The following PALB2 variants were observed in gnomAD, a reference collection of about 807,000 sequenced individuals.
PALB2 encodes mutant partner and localizer of BRCA2.
PALB2 carries 82 observed loss-of-function variants against 107.4 expected under a neutral mutation model. That is an observed-to-expected ratio of 0.76 (90% CI 0.64 to 0.92). The LOEUF (loss-of-function observed/expected upper bound fraction) is 0.92. Ranked by LOEUF, PALB2 falls within the 40% of genes least tolerant of loss-of-function variation. PALB2 has a pLI of 0.00. For missense variants in PALB2, 1,374 were observed against 1,379.9 expected, an observed-to-expected ratio of 1.00 and a Z score of 0.07; for synonymous variants, 489 against 496.8, an observed-to-expected ratio of 0.98 and a Z score of 0.21.
chr16:23,624,136 C>A (rs1966828956), intron 7 of PALB2, 42 bp from the exon 8 acceptor site: 5 of 1,435,446 alleles, frequency 3.5e-6, no homozygotes, highest in Non-Finnish European at 4.9e-6. Flanking sequence ...TTGGTTGTTT[C>A]ATTTTTGTTT....
chr16:23,616,240 CCA>C (rs1318913069), intron 10 of PALB2, among the ~76,000 whole-genome samples: 1 of 152,086 alleles, frequency 6.6e-6, no homozygotes, highest in Non-Finnish European at 1.5e-5. Context: ...CTACAGCAGT[CCA>C]CAGTCATCTC....
intron 11 of PALB2, among the ~76,000 whole-genome samples, chr16:23,612,901 C>T (rs866922716): frequency 3.9e-5 from 6 of 151,990 alleles, no homozygotes; most frequent in East Asian, 1.9e-4. Context: ...TACAGGCATG[C>T]GCCACCACGC....
intron 10 of PALB2, among the ~76,000 whole-genome samples, chr16:23,617,384 A>C (rs569203796): frequency 6.6e-6 from 1 of 152,034 alleles, no homozygotes; most frequent in South Asian, 2.1e-4. Context: ...GTCTTCAAAA[A>C]CGAGAGAGGA....
At chr16:23,606,725 G>A (rs185667418) in intron 12 of PALB2, among the ~76,000 whole-genome samples, 1,577 of 151,554 alleles carry the variant, frequency 0.01, 18 homozygotes, top group Non-Finnish European at 0.014. Flanking sequence ...GGGTTTCACC[G>A]TGTTGGTCAG....
At chr16:23,641,079 C>A (rs1321652679) in intron 1 of PALB2, 31 bp downstream of exon 1, 1 of 1,610,746 alleles carries the variant, frequency 6.2e-7, no homozygotes, top group South Asian at 1.1e-5. Context: ...GGGTCAGAGT[C>A]CTGCGTCCGC....
At position 23,603,654 on chromosome 16, in the gene PALB2, G is replaced by A. The variant is rs373783514; in HGVS notation, c.3366C>T (p.Asp1122=). The change falls in exon 13 of 13, where the codon GAC becomes GAT. Residue 1122 remains aspartate, a synonymous_variant. Transcript: ENST00000261584. ...TTGCTGCTGCACAGTGATCTTTCAC[G>A]TCACCTTCCAGGAACCTGATAGCAT... is the stretch of plus-strand genomic sequence containing the variant. ...PGQAGRFLEG[D]VKDHCAAAIL... is the part of the protein sequence containing the mutation. 9.3e-6 allele frequency: 15 copies of A among 1,613,088 alleles called. No homozygotes were observed. The highest frequency in any genetic ancestry group is 6.6e-5 in the South Asian group (6 of 91,056).
intron 3 of PALB2, among the ~76,000 whole-genome samples, chr16:23,637,368 T>C (rs964719266): frequency 1.3e-5 from 2 of 151,768 alleles, no homozygotes; most frequent in African/African-American, 2.4e-5. Context: ...TAACTGAAAA[T>C]AGAGACTATA....
intron 7 of PALB2, among the ~76,000 whole-genome samples, chr16:23,625,441 G>A (rs1296141563): frequency 3.9e-5 from 6 of 152,216 alleles, no homozygotes; most frequent in South Asian, 4.1e-4. Flanking sequence ...TGAGGCAGGC[G>A]GATGGCTTAA....
At chr16:23,616,672 C>T (rs973077289) in intron 10 of PALB2, among the ~76,000 whole-genome samples, 1 of 152,062 alleles carries the variant, frequency 6.6e-6, no homozygotes, top group African/African-American at 2.4e-5. Flanking sequence ...GACCCAGATA[C>T]CTACTGAATG....
chr16:23,640,780 A>G (rs1967211052), intron 1 of PALB2: 1 of 328,852 alleles, frequency 3.0e-6, no homozygotes, highest in Non-Finnish European at 5.6e-6. Context: ...TACCAGACTT[A>G]AAAGATTTAC....
At chr16:23,617,111 G>A (rs1420941040) in intron 10 of PALB2, among the ~76,000 whole-genome samples, 1 of 152,016 alleles carries the variant, frequency 6.6e-6, no homozygotes, top group Non-Finnish European at 1.5e-5. Context: ...CACCGTGCCC[G>A]GCCAAGCTTA....
At chr16:23,638,002 TAG>T (rs1967106762) in intron 2 of PALB2, 50 bp from the exon 3 acceptor site, 2 of 1,603,764 alleles carry the variant, frequency 1.2e-6, no homozygotes, top group Non-Finnish European at 1.7e-6. Flanking sequence ...TAAAGTTTTA[TAG>T]AGTCAAGAAC....
intron 11 of PALB2, among the ~76,000 whole-genome samples, chr16:23,611,017 T>C (rs767486810): frequency 9.9e-5 from 15 of 151,990 alleles, no homozygotes; most frequent in Non-Finnish European, 1.9e-4. Flanking sequence ...CCAGCCTGGG[T>C]GACAGAGCAA....
At chr16:23,615,854 G>A (rs1411690645) in intron 10 of PALB2, among the ~76,000 whole-genome samples, 3 of 151,890 alleles carry the variant, frequency 2.0e-5, no homozygotes, top group South Asian at 2.1e-4. Context: ...TAGTAGACAC[G>A]GGGTACACCA....
At chr16:23,623,178 T>TAAA in intron 8 of PALB2, 48 bp from the exon 9 acceptor site, 3 of 1,502,068 alleles carry the variant, frequency 2.0e-6, no homozygotes, top group Non-Finnish European at 2.8e-6. Context: ...AGTAACCTTT[T>TAAA]AATATTAAAG....
At position 23,640,575 on chromosome 16, in the gene PALB2, T is replaced by C. The variant is rs1597104988; in HGVS notation, c.48+535A>G. 1.3e-5 allele frequency: 3 copies of C among 232,134 alleles called. No homozygotes were observed. In the East Asian group the frequency reaches 1.8e-4, roughly 14 times the overall value. The allele number at this position is 232,134 out of a possible 1,614,324, so 14.4% of individuals were successfully genotyped here. A position where few individuals can be genotyped will look rare whatever the true frequency, so the allele number is the denominator to read the frequency against. On this transcript the variant is annotated intron_variant, in intron 1 of 12. Transcript: ENST00000261584. The stretch of plus-strand genomic sequence containing the variant: ...GGCACTTCCAAACTACAACATACTG[T>C]CTAGAACTTAAAAAAGAAAGCAAGG...
chr16:23,628,872 G>C (rs1320177035), intron 6 of PALB2, among the ~76,000 whole-genome samples: 2 of 152,122 alleles, frequency 1.3e-5, no homozygotes, highest in Admixed American at 1.3e-4. Flanking sequence ...GACCTCAAGT[G>C]ATCAGCCCGC....
intron 12 of PALB2, 39 bp downstream of exon 12, chr16:23,607,825 G>A (rs568248665): frequency 8.1e-6 from 13 of 1,612,156 alleles, no homozygotes; most frequent in Non-Finnish European, 5.1e-6. Context: ...GTGCCTTTCA[G>A]AATGTCCCAC....
rs754110994 is a variant in PALB2, at chr16:23,638,059, G to A, written c.108+11C>T. On this transcript the variant is annotated intron_variant, in intron 2 of 12. Transcript: ENST00000261584. ...CTATAACACCTTAATTTGAGAATAC[G>A]ATTCACTTACCTGAAGGCGGGCTAG... 13 of 1,612,208 alleles carry A rather than the reference G, an allele frequency of 8.1e-6. No individual in the cohort carries two copies. The highest frequency in any genetic ancestry group is 6.7e-5 in the East Asian group (3 of 44,882).
Sources: gnomAD v4.1 joint callset for allele counts (sites outside exome capture counted in the v4.1 genomes callset) on GRCh38, gnomAD v4.1.1 for gene constraint, MANE v1.5 for transcripts, NCBI Gene and HGNC (gene_info 2026-07-23, HGNC 2026-07-21) for gene names.